The following ABCB5 variants were observed in gnomAD, a reference collection of about 807,000 sequenced individuals.
The protein encoded by ABCB5 is ATP binding cassette subfamily B member 5.
ABCB5 carries 155 observed loss-of-function variants against 144.2 expected under a neutral mutation model. That is an observed-to-expected ratio of 1.08 (90% CI 0.94 to 1.23). ABCB5 has a LOEUF of 1.23. ABCB5 is among the 50% of genes most tolerant of loss of function. The pLI, the probability that ABCB5 is intolerant of heterozygous loss-of-function variation, is 0.00. For missense variants in ABCB5, 1,830 were observed against 1,520.8 expected, an observed-to-expected ratio of 1.20 and a Z score of -3.38; for synonymous variants, 610 against 528.6, an observed-to-expected ratio of 1.15 and a Z score of -2.11.
At chr7:20,732,209 T>C (rs1441536785) in intron 23 of ABCB5, among the ~76,000 whole-genome samples, 5 of 152,126 alleles carry the variant, frequency 3.3e-5, no homozygotes, top group Non-Finnish European at 1.5e-5. Context: ...GGAATGGTCA[T>C]TCCCCAGGGC....
chr7:20,659,946 A>C (rs1027254659), intron 14 of ABCB5: 2 of 982,772 alleles, frequency 2.0e-6, no homozygotes, highest in African/African-American at 3.5e-5. Context: ...GGCCTCCCAA[A>C]GTGCTGGGAT....
chr7:20,681,429 C>G, intron 14 of ABCB5, 76 bp from the exon 15 acceptor site: 1 of 1,515,580 alleles, frequency 6.6e-7, no homozygotes, highest in East Asian at 2.3e-5. Context: ...GCCGGGTCAA[C>G]AAAGATTTCT....
intron 14 of ABCB5, among the ~76,000 whole-genome samples, chr7:20,681,225 C>A (rs1727986474): frequency 6.6e-6 from 1 of 151,772 alleles, no homozygotes. Context: ...CTCCTAGGTT[C>A]AAGCGATTCT....
At chr7:20,670,769 C>T (rs973895461) in intron 14 of ABCB5, among the ~76,000 whole-genome samples, 3 of 152,150 alleles carry the variant, frequency 2.0e-5, no homozygotes, top group Non-Finnish European at 4.4e-5. Flanking sequence ...ATTAGGCAGG[C>T]GTGGTGGCAC....
rs376528064 is a variant in ABCB5, at chr7:20,745,383, T to A, written c.3374T>A (p.Ile1125Asn). 1.5e-5 allele frequency: 24 copies of A among 1,614,134 alleles called. No homozygotes were observed. The East Asian group carries it at 4.5e-4, about 30-fold the overall frequency. The change falls in exon 26 of 28, where the codon ATC (isoleucine) becomes AAC (asparagine). Residue 1125 changes from isoleucine (I) to asparagine (N), a missense_variant. Transcript: ENST00000404938. The part of the protein sequence containing the change: ...DNSRVVPLDE[I>N]KEAANAANIH... ...AGCCGTGTGGTGCCATTAGATGAGATCAAAGAAGCCGCAAATGCAGCAAAT... is the reference window on the plus strand; with the variant it reads ...AGCCGTGTGGTGCCATTAGATGAGAACAAAGAAGCCGCAAATGCAGCAAAT...
chr7:20,699,840 G>T lies in ABCB5; in HGVS notation c.2170G>T (p.Asp724Tyr). Residue 724 changes from aspartate (D) to tyrosine (Y), a missense_variant, in exon 18 of 28, where the codon GAT becomes TAT. Asp to Tyr is a radical substitution (Grantham distance 160). Transcript: ENST00000404938. ...TCCTTTTCAGATGTTTGGAAATAAT[G>T]ATAAAACCACATTAAAGCATGATGC... ...AKIITMFGNN[D>Y]KTTLKHDAEI... The T allele has an allele frequency of 6.2e-7, 1 of 1,605,064 alleles. No individual in the cohort carries two copies. Among genetic ancestry groups the T allele is most frequent in the South Asian group, 1.1e-5 (1 of 88,936 alleles).
intron 3 of ABCB5, among the ~76,000 whole-genome samples, chr7:20,627,795 C>A (rs924040024): frequency 1.3e-5 from 2 of 152,128 alleles, no homozygotes; most frequent in African/African-American, 2.4e-5. Context: ...CTGGTCACTG[C>A]ACTTAGCCAT....
chr7:20,641,318 A>G (rs1314232470), intron 5 of ABCB5, among the ~76,000 whole-genome samples: 1 of 147,988 alleles, frequency 6.8e-6, no homozygotes, highest in Non-Finnish European at 1.5e-5. Context: ...TTTCAGGAAG[A>G]ATCTATTAAA....
chr7:20,708,359 C>G (rs1336712305), intron 20 of ABCB5, among the ~76,000 whole-genome samples: 1 of 152,070 alleles, frequency 6.6e-6, no homozygotes, highest in Non-Finnish European at 1.5e-5. Context: ...AGTTTTCAAG[C>G]AAGGTGCAGT....
At chr7:20,657,315 T>C (rs1350473205) in intron 13 of ABCB5, among the ~76,000 whole-genome samples, 3 of 143,318 alleles carry the variant, frequency 2.1e-5, no homozygotes, top group Non-Finnish European at 4.5e-5. Flanking sequence ...AACATACTTA[T>C]ACTAAAAAAA....
chr7:20,698,313 TTA>T, intron 16 of ABCB5, 92 bp from the exon 17 acceptor site: 1 of 1,113,346 alleles, frequency 9.0e-7, no homozygotes. Context: ...ATGTTTGATG[TTA>T]TACATTATAA....
chr7:20,634,256 G>GTC (rs1364767338), intron 5 of ABCB5, among the ~76,000 whole-genome samples: 1 of 149,932 alleles, frequency 6.7e-6, no homozygotes, highest in Non-Finnish European at 1.5e-5. Context: ...GTGTGTGTGT[G>GTC]TGTGTGTGTG....
At chr7:20,630,722 C>G (rs143139312) in intron 4 of ABCB5, among the ~76,000 whole-genome samples, 1 of 152,122 alleles carries the variant, frequency 6.6e-6, no homozygotes, top group East Asian at 1.9e-4. Flanking sequence ...AGTAAATGGG[C>G]AACCTGGCAA....
chr7:20,750,361 T>C (rs188021866), intron 26 of ABCB5, among the ~76,000 whole-genome samples: 54 of 150,640 alleles, frequency 3.6e-4, no homozygotes, highest in African/African-American at 1.3e-3. Flanking sequence ...GGAGCAGTGA[T>C]GAGAGTCCAA....
At chr7:20,719,565 C>G (rs1046069312) in intron 20 of ABCB5, among the ~76,000 whole-genome samples, 7 of 152,170 alleles carry the variant, frequency 4.6e-5, no homozygotes, top group Non-Finnish European at 8.8e-5. Flanking sequence ...GCTAAGAGTG[C>G]TGGCCTTCCG....
chr7:20,750,652 T>A (rs917653875), intron 26 of ABCB5, among the ~76,000 whole-genome samples: 1 of 152,164 alleles, frequency 6.6e-6, no homozygotes, highest in Non-Finnish European at 1.5e-5. Flanking sequence ...CGTATATGTA[T>A]AATACGTAGA....
chr7:20,631,526 T>C (rs186141091), intron 4 of ABCB5, among the ~76,000 whole-genome samples: 10 of 152,314 alleles, frequency 6.6e-5, no homozygotes, highest in African/African-American at 1.9e-4. Flanking sequence ...CAGTGTACAA[T>C]ATTTTTTTCT....
intron 23 of ABCB5, among the ~76,000 whole-genome samples, chr7:20,734,674 A>ATGT (rs1562585455): frequency 6.6e-6 from 1 of 152,034 alleles, no homozygotes; most frequent in Non-Finnish European, 1.5e-5. Flanking sequence ...GACAACACGC[A>ATGT]TGTCTTATGG....
At chr7:20,734,130 G>T (rs1293344338) in intron 23 of ABCB5, among the ~76,000 whole-genome samples, 3 of 151,868 alleles carry the variant, frequency 2.0e-5, no homozygotes, top group African/African-American at 7.3e-5. Flanking sequence ...AAGAGGATTT[G>T]GTCCTAGAGA....
Sources: allele counts gnomAD v4.1 joint callset (sites outside exome capture counted in the v4.1 genomes callset), GRCh38; gene constraint gnomAD v4.1.1; transcripts MANE v1.5; gene names NCBI Gene and HGNC (gene_info 2026-07-23, HGNC 2026-07-21).